Variants in SKAP1 observed in about 807,000 individuals in gnomAD.
SKAP1 encodes src kinase associated phosphoprotein 1.
SKAP1 carries 44 observed loss-of-function variants against 58.5 expected under a neutral mutation model. That is an observed-to-expected ratio of 0.75 (90% CI 0.59 to 0.97). SKAP1 has a LOEUF of 0.97. Among genes scored for constraint, SKAP1 ranks in the 50% least tolerant of loss-of-function variants. The probability of loss-of-function intolerance (pLI) is 0.00; values close to 1 mark genes in which losing one functional copy is unlikely to be tolerated. For synonymous variants in SKAP1, 127 were observed against 149.7 expected, an observed-to-expected ratio of 0.85 and a Z score of 1.11; for missense variants, 390 against 435.2, an observed-to-expected ratio of 0.90 and a Z score of 0.92.
intron 4 of SKAP1, among the ~76,000 whole-genome samples, chr17:48,227,870 T>C (rs2143765200): frequency 6.6e-6 from 1 of 152,312 alleles, no homozygotes; most frequent in Non-Finnish European, 1.5e-5. Flanking sequence ...ATAAGGTTGT[T>C]ACGAGGATAA....
intron 4 of SKAP1, among the ~76,000 whole-genome samples, chr17:48,198,517 T>C (rs2064677016): frequency 6.6e-6 from 1 of 150,572 alleles, no homozygotes; most frequent in Non-Finnish European, 1.5e-5. Context: ...TACCACTCAC[T>C]GCATTCTGAT....
chr17:48,252,617 G>T (rs754968111), intron 4 of SKAP1, among the ~76,000 whole-genome samples: 2 of 151,938 alleles, frequency 1.3e-5, no homozygotes, highest in Non-Finnish European at 2.9e-5. Flanking sequence ...GAATAGAATT[G>T]CTATTCAGAT....
intron 1 of SKAP1, among the ~76,000 whole-genome samples, chr17:48,409,667 C>CAAA (rs35629210): frequency 5.3e-5 from 5 of 94,658 alleles, no homozygotes; most frequent in Non-Finnish European, 6.7e-5. Flanking sequence ...GATCCTGTCT[C>CAAA]AAAAAAAAAA....
At chr17:48,236,750 G>T (rs936959218) in intron 4 of SKAP1, among the ~76,000 whole-genome samples, 1 of 152,190 alleles carries the variant, frequency 6.6e-6, no homozygotes, top group African/African-American at 2.4e-5. Context: ...AAAAGTATCT[G>T]CTAAGGTGTG....
At chr17:48,368,847 G>A (rs2067045185) in intron 2 of SKAP1, among the ~76,000 whole-genome samples, 1 of 152,182 alleles carries the variant, frequency 6.6e-6, no homozygotes, top group Non-Finnish European at 1.5e-5. Context: ...GTATTAAATT[G>A]TAGAGTATGC....
intron 11 of SKAP1, among the ~76,000 whole-genome samples, chr17:48,149,116 T>A (rs2063868271): frequency 6.6e-6 from 1 of 152,238 alleles, no homozygotes; most frequent in South Asian, 2.1e-4. Flanking sequence ...GGGCCAACCC[T>A]GTCTCTGCTC....
intron 12 of SKAP1, 72 bp downstream of exon 12, chr17:48,137,157 T>A (rs931814119): frequency 1.1e-6 from 1 of 920,446 alleles, no homozygotes; most frequent in Non-Finnish European, 1.7e-6. Flanking sequence ...CTCTCATCTT[T>A]CAGAGAAACA....
At chr17:48,319,173 A>G (rs2066328110) in intron 4 of SKAP1, among the ~76,000 whole-genome samples, 1 of 152,182 alleles carries the variant, frequency 6.6e-6, no homozygotes. Flanking sequence ...TCCCCTACAG[A>G]TTTAAAGGTA....
At chr17:48,336,715 G>T (rs2066575925) in intron 4 of SKAP1, among the ~76,000 whole-genome samples, 2 of 152,026 alleles carry the variant, frequency 1.3e-5, no homozygotes, top group South Asian at 4.2e-4. Context: ...TGAGATATTA[G>T]TAAGAATGAT....
Position 48,180,176 on chromosome 17 carries a change from A to G in SKAP1, c.704T>C (p.Ile235Thr). 2 of 1,613,812 alleles carry G rather than the reference A, an allele frequency of 1.2e-6. No homozygotes were observed. The highest frequency in any genetic ancestry group is 2.2e-5 in the East Asian group (1 of 44,868). ...EEEKEETYDD[I>T]DGFDSPSCGS... Reference sequence around the variant, plus strand: ...ACAACTTGGGGAGTCAAAACCATCAATATCATCATATGTCTCTTCTTTTTC... The same window carrying G: ...ACAACTTGGGGAGTCAAAACCATCAGTATCATCATATGTCTCTTCTTTTTC... The change falls in exon 9 of 13, where the codon ATT becomes ACT. Residue 235 changes from isoleucine to threonine, a missense_variant. By Grantham distance (89) the Ile-to-Thr change is moderately conservative. Transcript: ENST00000336915.
intron 1 of SKAP1, among the ~76,000 whole-genome samples, chr17:48,401,672 G>T (rs557915103): frequency 1.3e-5 from 2 of 151,742 alleles, no homozygotes; most frequent in Non-Finnish European, 2.9e-5. Context: ...GAAACTCTTA[G>T]AAAAAGACAG....
At chr17:48,388,901 C>G (rs567983211) in intron 2 of SKAP1, among the ~76,000 whole-genome samples, 4 of 152,120 alleles carry the variant, frequency 2.6e-5, no homozygotes, top group African/African-American at 4.8e-5. Flanking sequence ...ATTGTTTGGG[C>G]CTTGTGGTTA....
Position 48,286,824 on chromosome 17 carries a change from C to T in SKAP1, c.280+59081G>A, listed in dbSNP as rs1044040407. ...AATCATCTAGATAATTTTCGCTGGG[C>T]GCGGTGGCTCATGCCTGTAATCCAG... is the stretch of plus-strand genomic sequence containing the variant. On this transcript the variant is annotated intron_variant, in intron 4 of 12. Coordinates refer to ENST00000336915, the MANE Select transcript of SKAP1 (RefSeq NM_003726.4). 5.9e-5 allele frequency among the ~76,000 whole-genome samples: 9 copies of T among 152,148 alleles called. 1 individual carries two copies. In the South Asian group the frequency reaches 6.2e-4, roughly 10 times the overall value.
intron 6 of SKAP1, chr17:48,185,119 T>G (rs2064430507): frequency 5.9e-6 from 2 of 341,594 alleles, no homozygotes; most frequent in African/African-American, 2.2e-5. Context: ...TTAAGAGATC[T>G]ATAACAACAG....
intron 4 of SKAP1, among the ~76,000 whole-genome samples, chr17:48,280,980 T>G (rs1313565587): frequency 6.6e-6 from 1 of 152,134 alleles, no homozygotes; most frequent in African/African-American, 2.4e-5. Flanking sequence ...TACTCAGACT[T>G]AGGCAGTCTA....
intron 4 of SKAP1, among the ~76,000 whole-genome samples, chr17:48,198,675 A>C (rs1320643830): frequency 2.6e-5 from 4 of 152,116 alleles, no homozygotes; most frequent in African/African-American, 9.7e-5. Flanking sequence ...TGAAAAAAAA[A>C]ATTGTGTTCC....
chr17:48,160,316 T>G (rs1416804926), intron 11 of SKAP1, among the ~76,000 whole-genome samples: 1 of 151,898 alleles, frequency 6.6e-6, no homozygotes, highest in Non-Finnish European at 1.5e-5. Flanking sequence ...AATTTTTTAT[T>G]TTGTAGAGAT....
chr17:48,353,309 A>AAG, intron 3 of SKAP1, among the ~76,000 whole-genome samples: 1 of 152,306 alleles, frequency 6.6e-6, no homozygotes. Flanking sequence ...GGCTTGGTTA[A>AAG]AGAATGTGTT....
At chr17:48,201,305 G>A (rs571164724) in intron 4 of SKAP1, among the ~76,000 whole-genome samples, 32 of 131,848 alleles carry the variant, frequency 2.4e-4, no homozygotes, top group African/African-American at 7.7e-4. Context: ...TCCTTTCTTC[G>A]TTCCTTCCTT....
Sources: allele counts gnomAD v4.1 joint callset (sites outside exome capture counted in the v4.1 genomes callset), GRCh38; gene constraint gnomAD v4.1.1; transcripts MANE v1.5; gene names NCBI Gene and HGNC (gene_info 2026-07-23, HGNC 2026-07-21).